Variants in CLSTN2 observed in about 807,000 individuals in gnomAD.
CLSTN2 encodes calsyntenin 2.
A neutral mutation model predicts 101.2 loss-of-function variants in CLSTN2; 48 were observed. That is an observed-to-expected ratio of 0.47 (90% CI 0.38 to 0.60). CLSTN2 has a LOEUF of 0.60. Among genes scored for constraint, CLSTN2 ranks in the 20% least tolerant of loss-of-function variants. The probability of loss-of-function intolerance (pLI) is 0.00; values close to 1 mark genes in which losing one functional copy is unlikely to be tolerated. For synonymous variants in CLSTN2, 481 were observed against 463.6 expected, an observed-to-expected ratio of 1.04 and a Z score of -0.48; for missense variants, 1,160 against 1,238.2, an observed-to-expected ratio of 0.94 and a Z score of 0.95.
intron 1 of CLSTN2, among the ~76,000 whole-genome samples, chr3:140,045,715 G>A (rs1393490410): frequency 6.6e-6 from 1 of 152,108 alleles, no homozygotes; most frequent in Non-Finnish European, 1.5e-5. Context: ...CTGGTATGTT[G>A]TGTCTTTGTT....
intron 1 of CLSTN2, among the ~76,000 whole-genome samples, chr3:140,043,624 C>A (rs1354902118): frequency 1.3e-5 from 2 of 152,136 alleles, no homozygotes; most frequent in African/African-American, 4.8e-5. Flanking sequence ...AATGGTATTG[C>A]CTAGGTTTTC....
intron 6 of CLSTN2, among the ~76,000 whole-genome samples, chr3:140,453,476 C>T (rs1933300487): frequency 6.6e-6 from 1 of 152,186 alleles, no homozygotes; most frequent in Non-Finnish European, 1.5e-5. Flanking sequence ...CTGTTGAGTA[C>T]TCAGATGCTG....
Position 140,427,728 on chromosome 3 carries a change from G to A in CLSTN2, c.787+6454G>A, listed in dbSNP as rs187285474. 2.0e-5 allele frequency among the ~76,000 whole-genome samples: 3 copies of A among 152,170 alleles called. No homozygotes were observed. In the East Asian group the frequency reaches 5.8e-4, roughly 29 times the overall value. On this transcript the variant is annotated intron_variant, in intron 5 of 16. Coordinates refer to ENST00000458420, the MANE Select transcript of CLSTN2 (RefSeq NM_022131.3). ...AGTATGCACCTGTCTCAACTTGAGT[G>A]TTTCTAAGCTTTCTCTATTTTCTTT... is the stretch of plus-strand genomic sequence containing the variant.
chr3:140,219,759 C>G (rs9815327), intron 2 of CLSTN2, among the ~76,000 whole-genome samples: 41,549 of 151,992 alleles, frequency 0.27, 6,503 homozygotes, highest in Middle Eastern at 0.38. Flanking sequence ...ATTCCTTAGA[C>G]GCTTTGCTTC....
chr3:140,362,007 C>G, intron 2 of CLSTN2, among the ~76,000 whole-genome samples: 1 of 152,102 alleles, frequency 6.6e-6, no homozygotes, highest in East Asian at 1.9e-4. Context: ...CCAGAATCTC[C>G]AGAACAATTT....
chr3:139,963,197 G>A (rs1259750336), intron 1 of CLSTN2, among the ~76,000 whole-genome samples: 2 of 152,082 alleles, frequency 1.3e-5, no homozygotes, highest in African/African-American at 4.8e-5. Flanking sequence ...GACTTCTTCA[G>A]CCTCTGCTTC....
intron 1 of CLSTN2, among the ~76,000 whole-genome samples, chr3:139,938,637 G>A (rs1021607584): frequency 3.3e-5 from 5 of 152,234 alleles, no homozygotes; most frequent in African/African-American, 1.2e-4. Flanking sequence ...TGGACCCAAA[G>A]AGTTTCTGGA....
chr3:140,146,350 A>G (rs2009780860), intron 1 of CLSTN2, among the ~76,000 whole-genome samples: 1 of 152,272 alleles, frequency 6.6e-6, no homozygotes, highest in Non-Finnish European at 1.5e-5. Context: ...GGAAAAGGAT[A>G]TTGTAGAACT....
Position 140,175,914 on chromosome 3 carries a change from T to C in CLSTN2, c.110-37T>C, listed in dbSNP as rs150452068. On this transcript the variant is annotated intron_variant, in intron 1 of 16. Transcript: ENST00000458420. ...CATTATTATGGGTTTGTTATTTAAA[T>C]AATGATCCTTTTTGTTTTTTCCCCC... 5.8e-3 allele frequency: 9,172 copies of C among 1,593,548 alleles called. 33 individuals are homozygous for C. The highest frequency in any genetic ancestry group is 7.2e-3 in the Non-Finnish European group (8,381 of 1,164,966).
At chr3:140,246,850 C>T (rs750948278) in intron 2 of CLSTN2, among the ~76,000 whole-genome samples, 8 of 152,022 alleles carry the variant, frequency 5.3e-5, no homozygotes, top group Admixed American at 1.3e-4. Context: ...TCCTGAGAGG[C>T]AGCAGTGCAG....
At chr3:140,292,661 C>A (rs1418836025) in intron 2 of CLSTN2, among the ~76,000 whole-genome samples, 3 of 152,170 alleles carry the variant, frequency 2.0e-5, no homozygotes, top group Non-Finnish European at 4.4e-5. Flanking sequence ...CACCTTGCAA[C>A]CTTTATTAAT....
intron 1 of CLSTN2, among the ~76,000 whole-genome samples, chr3:140,071,714 C>G (rs1282794322): frequency 3.9e-5 from 6 of 152,044 alleles, no homozygotes; most frequent in Non-Finnish European, 8.8e-5. Flanking sequence ...GCCTGTAGTC[C>G]CAGCTACCCA....
intron 1 of CLSTN2, among the ~76,000 whole-genome samples, chr3:140,154,793 C>T (rs901816156): frequency 3.3e-5 from 5 of 151,772 alleles, no homozygotes; most frequent in African/African-American, 4.8e-5. Flanking sequence ...TACAGGCACC[C>T]GCCACCACGC....
intron 1 of CLSTN2, among the ~76,000 whole-genome samples, chr3:140,175,715 T>A (rs2010312549): frequency 1.3e-5 from 2 of 152,190 alleles, no homozygotes; most frequent in African/African-American, 4.8e-5. Flanking sequence ...ACAAACAGTG[T>A]TTGATAGTCA....
chr3:140,313,331 C>T (rs1305448098), intron 2 of CLSTN2, among the ~76,000 whole-genome samples: 1 of 152,182 alleles, frequency 6.6e-6, no homozygotes, highest in Non-Finnish European at 1.5e-5. Flanking sequence ...CTTTCTGACT[C>T]CAAGACCCAT....
chr3:140,501,923 C>T (rs1275645957), intron 8 of CLSTN2, among the ~76,000 whole-genome samples: 4 of 152,192 alleles, frequency 2.6e-5, no homozygotes, highest in African/African-American at 9.7e-5. Context: ...TGGTTCATGG[C>T]CCACAGTTCA....
rs115985402 is a variant in CLSTN2 at position 140,132,772 on chromosome 3, C to G, written c.110-43179C>G. Reference sequence around the variant, plus strand: ...GCAAAAGCAACTCAACTAATATCCACAGCTAGTGAATAATCACTTCCTTGT... The same window carrying G: ...GCAAAAGCAACTCAACTAATATCCAGAGCTAGTGAATAATCACTTCCTTGT... On this transcript the variant is annotated intron_variant, in intron 1 of 16. Transcript: ENST00000458420. Among the ~76,000 whole-genome samples, 676 of 152,290 alleles carry G rather than the reference C, an allele frequency of 4.4e-3. 5 individuals carry two copies. Among genetic ancestry groups the G allele is most frequent in the Middle Eastern group, 0.024 (7 of 294 alleles).
intron 2 of CLSTN2, among the ~76,000 whole-genome samples, chr3:140,181,844 C>A (rs1285498485): frequency 6.6e-6 from 1 of 152,172 alleles, no homozygotes; most frequent in African/African-American, 2.4e-5. Context: ...GCTTACCTAG[C>A]CAGGATGGAT....
intron 2 of CLSTN2, among the ~76,000 whole-genome samples, chr3:140,269,724 T>C (rs2086724993): frequency 1.3e-5 from 2 of 152,206 alleles, no homozygotes; most frequent in African/African-American, 2.4e-5. Flanking sequence ...CTGTGTGAGA[T>C]GTAGCTCCTA....
Sources: gnomAD v4.1 joint callset for allele counts (sites outside exome capture counted in the v4.1 genomes callset) on GRCh38, gnomAD v4.1.1 for gene constraint, MANE v1.5 for transcripts, NCBI Gene and HGNC (gene_info 2026-07-23, HGNC 2026-07-21) for gene names.